Variants in EXOC1 observed in about 807,000 individuals in gnomAD.
The protein encoded by EXOC1 is SEC3-like 1.
A neutral mutation model predicts 107.7 loss-of-function variants in EXOC1; 67 were observed. The observed-to-expected ratio is 0.62, with a 90% CI of 0.51 to 0.76. The LOEUF (loss-of-function observed/expected upper bound fraction) is 0.76. Ranked by LOEUF, EXOC1 falls within the 30% of genes least tolerant of loss-of-function variation. The pLI is 0.00. For synonymous variants in EXOC1, 348 were observed against 353.5 expected (o/e 0.98, Z 0.17); for missense variants, 833 against 1,055.7 (o/e 0.79, Z 2.92).
chr4:55,859,890 A>C lies in EXOC1; in HGVS notation c.125-521A>C, dbSNP rs568034681. On this transcript the variant is annotated intron_variant, in intron 2 of 18. Transcript: ENST00000381295. ...TTTTAGAATGACCTCACTCAATCGT[A>C]ATGTATTTGTATTAGGCCATTCTTG... 3.0e-4 allele frequency among the ~76,000 whole-genome samples: 46 copies of C among 152,298 alleles called. No homozygotes were observed. In the South Asian group the frequency reaches 9.1e-3, roughly 30 times the overall value.
intron 13 of EXOC1, 71 bp from the exon 14 acceptor site, chr4:55,892,564 G>C: frequency 3.3e-6 from 4 of 1,229,892 alleles, no homozygotes; most frequent in Non-Finnish European, 4.8e-6. Context: ...GACTGAGCAG[G>C]CTTTTGCTAT....
chr4:55,898,405 C>T (rs975606440), intron 16 of EXOC1, among the ~76,000 whole-genome samples: 2 of 152,142 alleles, frequency 1.3e-5, no homozygotes, highest in Non-Finnish European at 2.9e-5. Context: ...TGATACTTAA[C>T]TGCAACAGTA....
rs372191461 is a variant in EXOC1, at chr4:55,893,584, T to G, written c.1757T>G (p.Ile586Arg). Residue 586 changes from isoleucine (I) to arginine (R), a missense_variant, in exon 15 of 19, where the codon ATA becomes AGA. By Grantham distance (97) the Ile-to-Arg change is moderately conservative. Transcript: ENST00000381295. ...KDMIRQMMIK[I>R]FRCIEPELNN... ...ATGATCCGCCAAATGATGATTAAAA[T>G]ATTTCGCTGCATTGAGCCAGAGCTG... 5 of 1,613,690 alleles carry G rather than the reference T, an allele frequency of 3.1e-6. No individual in the cohort carries two copies. Among genetic ancestry groups the G allele is most frequent in the Non-Finnish European group, 4.2e-6 (5 of 1,180,008 alleles).
chr4:55,854,568 A>G (rs1577678770), intron 1 of EXOC1, among the ~76,000 whole-genome samples: 2 of 152,368 alleles, frequency 1.3e-5, no homozygotes, highest in South Asian at 4.1e-4. Context: ...TCAGGTCTTC[A>G]TAAACATATC....
intron 1 of EXOC1, among the ~76,000 whole-genome samples, chr4:55,857,640 C>T (rs1721123361): frequency 6.7e-6 from 1 of 150,260 alleles, no homozygotes; most frequent in Admixed American, 6.6e-5. Context: ...TTTCAGTTCT[C>T]CTGGAGTGGA....
chr4:55,857,200 A>G (rs1577683920), intron 1 of EXOC1, among the ~76,000 whole-genome samples: 1 of 61,702 alleles, frequency 1.6e-5, no homozygotes, highest in South Asian at 5.3e-4. Flanking sequence ...TTTTTTGGAG[A>G]CAGAGTCTGG....
rs111624205 is a variant in EXOC1, at chr4:55,864,442, T to C, written c.415+56T>C. ...TCAATTATATCTTTAAGTGAATATA[T>C]AATTTGACATCATTCAAATTAATTA... On this transcript the variant is annotated intron_variant, in intron 4 of 18. Transcript: ENST00000381295. The C allele has an allele frequency of 1.8e-3, 2,426 of 1,371,538 alleles. 40 individuals carry two copies. In the African/African-American group the frequency reaches 0.03, roughly 17 times the overall value. The allele number at this position is 1,371,538 out of a possible 1,614,324, so 85.0% of individuals were successfully genotyped here.
intron 1 of EXOC1, 41 bp downstream of exon 1, chr4:55,853,994 C>A (rs528223863): frequency 6.6e-6 from 1 of 152,398 alleles, no homozygotes; most frequent in Middle Eastern, 3.4e-3. Flanking sequence ...AGTCCCTTGT[C>A]CTCGGGTCTA....
chr4:55,885,300 T>G (rs1453221702), intron 10 of EXOC1, among the ~76,000 whole-genome samples: 1 of 152,136 alleles, frequency 6.6e-6, no homozygotes, highest in Non-Finnish European at 1.5e-5. Flanking sequence ...AATCCCAGTA[T>G]CATAATAGTT....
chr4:55,856,975 C>G (rs1721030269), intron 1 of EXOC1, among the ~76,000 whole-genome samples: 1 of 152,026 alleles, frequency 6.6e-6, no homozygotes, highest in Admixed American at 6.6e-5. Context: ...AGTCAATCCT[C>G]GTTTCCACCT....
At chr4:55,872,909 T>C (rs1347882440) in intron 8 of EXOC1, 2 of 350,438 alleles carry the variant, frequency 5.7e-6, no homozygotes, top group African/African-American at 4.4e-5. Flanking sequence ...AGATTATAAC[T>C]TACTGATTTA....
At chr4:55,890,723 T>C (rs1000729801) in intron 12 of EXOC1, among the ~76,000 whole-genome samples, 4 of 152,220 alleles carry the variant, frequency 2.6e-5, no homozygotes, top group African/African-American at 9.6e-5. Flanking sequence ...CTAAATTAAA[T>C]AAGTTTTTTT....
intron 3 of EXOC1, among the ~76,000 whole-genome samples, chr4:55,862,032 C>T (rs1721523868): frequency 6.6e-6 from 1 of 150,764 alleles, no homozygotes; most frequent in South Asian, 2.1e-4. Context: ...CCAGCCTGGG[C>T]AACAGAGTGA....
intron 10 of EXOC1, among the ~76,000 whole-genome samples, chr4:55,888,174 TAGAGAG>T (rs968975758): frequency 3.3e-5 from 5 of 152,312 alleles, no homozygotes; most frequent in Admixed American, 1.3e-4. Context: ...ATAAATATTA[TAGAGAG>T]AGAAGTTTTA....
chr4:55,897,526 A>T (rs951115472), intron 16 of EXOC1, among the ~76,000 whole-genome samples: 1 of 152,186 alleles, frequency 6.6e-6, no homozygotes, highest in Non-Finnish European at 1.5e-5. Context: ...CCTGTGTCAG[A>T]TCCCACAATT....
intron 18 of EXOC1, among the ~76,000 whole-genome samples, chr4:55,903,442 T>C (rs887763829): frequency 1.3e-5 from 2 of 151,962 alleles, no homozygotes; most frequent in African/African-American, 4.8e-5. Context: ...ATGGAGGGAG[T>C]AGCATTCTAG....
In EXOC1 at chr4:55,871,195, A is replaced by G; in HGVS notation, c.926A>G (p.Asp309Gly). ...ATTGAGGCCTGCACCAATGCTGCTG[A>G]TGCCCTTCTGCAGTGCATGAATGTA... ...RGIEACTNAA[D>G]ALLQCMNVAL... The change falls in exon 7 of 19, where the codon GAT becomes GGT. Residue 309 changes from aspartate to glycine, a missense_variant. Asp to Gly is a moderately conservative substitution (Grantham distance 94). Coordinates refer to ENST00000381295, the MANE Select transcript of EXOC1 (RefSeq NM_001024924.2). 6.2e-7 allele frequency: 1 copy of G among 1,613,914 alleles called. No individual in the cohort carries two copies. Among genetic ancestry groups the G allele is most frequent in the Non-Finnish European group, 8.5e-7 (1 of 1,179,858 alleles).
intron 17 of EXOC1, among the ~76,000 whole-genome samples, chr4:55,900,376 A>G (rs2109507639): frequency 6.6e-6 from 1 of 152,346 alleles, no homozygotes; most frequent in East Asian, 1.9e-4. Flanking sequence ...AAGATAAAAG[A>G]AAAACCAAAA....
At chr4:55,882,173 C>T (rs1217803723) in intron 9 of EXOC1, among the ~76,000 whole-genome samples, 2 of 152,104 alleles carry the variant, frequency 1.3e-5, no homozygotes, top group African/African-American at 4.8e-5. Flanking sequence ...CAGGGTCTCA[C>T]TCTGACACCC....
Sources: allele counts gnomAD v4.1 joint callset (sites outside exome capture counted in the v4.1 genomes callset), GRCh38; gene constraint gnomAD v4.1.1; transcripts MANE v1.5; gene names NCBI Gene and HGNC (gene_info 2026-07-23, HGNC 2026-07-21).